Variants in HOMER3 observed in about 807,000 individuals in gnomAD.
HOMER3 encodes the protein homer scaffold protein 3.
HOMER3 carries 34 observed loss-of-function variants against 45.5 expected under a neutral mutation model. The observed-to-expected ratio is 0.75, with a 90% CI of 0.57 to 1.00. HOMER3 has a LOEUF of 1.00. HOMER3 is among the 50% of genes least tolerant of loss of function. HOMER3 has a pLI of 0.00. For missense variants in HOMER3, 480 were observed against 497.5 expected, an observed-to-expected ratio of 0.96 and a Z score of 0.33; for synonymous variants, 223 against 208.8, an observed-to-expected ratio of 1.07 and a Z score of -0.58.
intron 5 of HOMER3, among the ~76,000 whole-genome samples, chr19:18,933,754 G>C (rs1232014532): frequency 2.0e-5 from 3 of 151,886 alleles, no homozygotes; most frequent in Non-Finnish European, 4.4e-5. Flanking sequence ...ACCCAGGCTG[G>C]AGTGCAGTGG....
rs2057008379 is a variant in HOMER3, at chr19:18,929,627, T to C, written c.902A>G (p.Glu301Gly). ...GTGCTCCAACTCCGCATTGCGGGTC[T>C]CCAGGTCCTGCCAGGAAAGGGTGGG... ...EETQQKVQDL[E>G]TRNAELEHQL... The change falls in exon 10 of 10, where the codon GAG becomes GGG. Residue 301 changes from glutamate to glycine, a missense_variant. Transcript: ENST00000392351. The C allele has an allele frequency of 6.6e-7, 1 of 1,513,718 alleles. No individual in the cohort carries two copies. The allele number at this position is 1,513,718 out of a possible 1,614,324, so 93.8% of individuals were successfully genotyped here. A position where few individuals can be genotyped will look rare whatever the true frequency, so the allele number is the denominator to read the frequency against.
In HOMER3 at chr19:18,929,227, A is replaced by G. The variant is rs772750160; in HGVS notation, c.*216T>C. The stretch of plus-strand genomic sequence containing the variant: ...CCACGCTTAGAAATGTAATCGGGGG[A>G]TCTAGAAATTCTACACAATGAGAAG... On this transcript the variant is annotated 3_prime_UTR_variant, in exon 10 of 10. Coordinates refer to ENST00000392351, the MANE Select transcript of HOMER3 (RefSeq NM_004838.4). The G allele has an allele frequency of 5.2e-6, 4 of 764,412 alleles. No individual in the cohort carries two copies. The South Asian group carries it at 5.4e-5, about 10-fold the overall frequency. The allele number at this position is 764,412 out of a possible 1,614,324, so 47.4% of individuals were successfully genotyped here.
At chr19:18,936,772 G>A (rs1422080501) in intron 4 of HOMER3, among the ~76,000 whole-genome samples, 2 of 151,230 alleles carry the variant, frequency 1.3e-5, no homozygotes, top group South Asian at 2.1e-4. Flanking sequence ...GGTGGATCAC[G>A]AGGTCAGGAG....
intron 5 of HOMER3, 80 bp from the exon 6 acceptor site, chr19:18,933,125 G>A (rs2057056737): frequency 7.2e-7 from 1 of 1,395,578 alleles, no homozygotes; most frequent in South Asian, 1.9e-5. Flanking sequence ...GTCACATCGG[G>A]GGTGCAATTG....
chr19:18,929,344 A>T lies in HOMER3; in HGVS notation c.*99T>A. 1 of 1,232,570 alleles carries T rather than the reference A, an allele frequency of 8.1e-7. No individual in the cohort carries two copies. Among genetic ancestry groups the T allele is most frequent in the Non-Finnish European group, 1.2e-6 (1 of 856,516 alleles). 76.4% of individuals were successfully genotyped at this position (1,232,570 alleles called of 1,614,324 possible). On this transcript the variant is annotated 3_prime_UTR_variant, in exon 10 of 10. Transcript: ENST00000392351. The stretch of plus-strand genomic sequence containing the variant: ...CCGGCCCACCCAGGGCTAAGTTGGG[A>T]CCCCCCAGTCCCTTTCCAGGACGAA...
chr19:18,932,568 G>T (rs1203751501), intron 6 of HOMER3, among the ~76,000 whole-genome samples: 1 of 152,066 alleles, frequency 6.6e-6, no homozygotes, highest in Non-Finnish European at 1.5e-5. Flanking sequence ...AAGGGGGCAC[G>T]TGGAGTCCGC....
intron 4 of HOMER3, among the ~76,000 whole-genome samples, chr19:18,934,830 G>GTC (rs1227064430): frequency 6.6e-6 from 1 of 151,538 alleles, no homozygotes; most frequent in African/African-American, 2.4e-5. Context: ...TAGAGACGGG[G>GTC]TCTAGCCATG....
In HOMER3 at chr19:18,938,735, C is replaced by A; in HGVS notation, c.164G>T (p.Gly55Val). 2 of 1,592,158 alleles carry A rather than the reference C, an allele frequency of 1.3e-6. No individual in the cohort carries two copies. Among genetic ancestry groups the A allele is most frequent in the Non-Finnish European group, 1.7e-6 (2 of 1,169,436 alleles). Residue 55 changes from glycine (G) to valine (V), a missense_variant, in exon 3 of 10, where the codon GGC (glycine) becomes GTC (valine). Physicochemically the swap from Gly to Val is moderately radical, Grantham distance 109. Coordinates refer to ENST00000392351, the MANE Select transcript of HOMER3 (RefSeq NM_004838.4). ...RNVYRIISIG[G>V]AKAIINSTVT... ...CCCAGACCCCACCCTGACCTTGGCG[C>A]CTCCGATGCTGATGATGCGGTACAC...
chr19:18,930,824 T>C (rs532963668), intron 9 of HOMER3, among the ~76,000 whole-genome samples: 57 of 152,014 alleles, frequency 3.7e-4, no homozygotes, highest in Non-Finnish European at 6.6e-4. Flanking sequence ...CTGGCCAACA[T>C]GGTGAAACCC....
In HOMER3 at chr19:18,934,307, TG is replaced by T; in HGVS notation, c.406del (p.His136ThrfsTer36). 1 of 1,519,856 alleles carries T rather than the reference TG, an allele frequency of 6.6e-7. No homozygotes were observed. The allele number at this position is 1,519,856 out of a possible 1,614,324, so 94.1% of individuals were successfully genotyped here. A position where few individuals can be genotyped will look rare whatever the true frequency, so the allele number is the denominator to read the frequency against. On this transcript the variant is annotated frameshift_variant, in exon 5 of 10. Coordinates refer to ENST00000392351, the MANE Select transcript of HOMER3 (RefSeq NM_004838.4). LOFTEE classifies it high-confidence loss of function. The part of the protein sequence containing the change: ...LTSPALGLAS[H>X]QVPPSPLVSA... ...AGGGGAGTAGGGAGTGCTGACCTGG[TG>T]GGAGGCGAGCCCCAGGGCTGGACTG...
At chr19:18,931,912 G>A (rs997412371) in intron 7 of HOMER3, 64 bp downstream of exon 7, 150 of 1,456,844 alleles carry the variant, frequency 1.0e-4, no homozygotes, top group Non-Finnish European at 1.3e-4. Context: ...GGGAACTGCC[G>A]AGGCGCGGTC....
At chr19:18,938,252 T>A in intron 4 of HOMER3, 101 bp downstream of exon 4, 1 of 1,315,938 alleles carries the variant, frequency 7.6e-7, no homozygotes, top group Non-Finnish European at 1.0e-6. Context: ...ATCCTGCAGA[T>A]GGGAAGATAG....
chr19:18,932,263 G>T, intron 6 of HOMER3, 131 bp from the exon 7 acceptor site: 1 of 946,438 alleles, frequency 1.1e-6, no homozygotes, highest in Non-Finnish European at 1.5e-6. Context: ...TGGCGAGGGT[G>T]CGGAGTCGTG....
intron 6 of HOMER3, 51 bp downstream of exon 6, chr19:18,932,873 T>TCCCCCCCCCCCCCCCCCC: frequency 1.1e-6 from 1 of 877,174 alleles, no homozygotes; most frequent in South Asian, 2.4e-5. Flanking sequence ...CGCCTCCTCG[T>TCCCCCCCCCCCCCCCCCC]CCCCCACCCC....
intron 4 of HOMER3, among the ~76,000 whole-genome samples, chr19:18,936,979 C>T (rs561643076): frequency 1.6e-3 from 235 of 144,218 alleles, no homozygotes; most frequent in Middle Eastern, 7.8e-3. Context: ...CCAGCCTGTG[C>T]GACAGAGCGA....
At position 18,931,369 on chromosome 19, in the gene HOMER3, C is replaced by A; in HGVS notation, c.850G>T (p.Ala284Ser). ...TCCTCACGCTCGGCAGCCTCCAGGGCCTCGCGGGGCCCCCCAGTCTGACTC... is the reference window on the plus strand; with the variant it reads ...TCCTCACGCTCGGCAGCCTCCAGGGACTCGCGGGGCCCCCCAGTCTGACTC... ...LKSQTGGPRE[A>S]LEAAEREETQ... Residue 284 changes from alanine (A) to serine (S), a missense_variant, in exon 9 of 10, where the codon GCC (alanine) becomes TCC (serine). By Grantham distance (99) the Ala-to-Ser change is moderately conservative (BLOSUM62 1). Coordinates refer to ENST00000392351, the MANE Select transcript of HOMER3 (RefSeq NM_004838.4). The A allele has an allele frequency of 6.2e-7, 1 of 1,614,188 alleles. No homozygotes were observed. The highest frequency in any genetic ancestry group is 8.5e-7 in the Non-Finnish European group (1 of 1,180,038).
In HOMER3 at chr19:18,931,228, C is replaced by T. The variant is rs114165064; in HGVS notation, c.894+97G>A. 1.0e-3 allele frequency: 1,118 copies of T among 1,107,976 alleles called. 11 individuals carry two copies. In the African/African-American group the frequency reaches 0.016, roughly 15 times the overall value. 68.6% of individuals were successfully genotyped at this position (1,107,976 alleles called of 1,614,324 possible). A position where few individuals can be genotyped will look rare whatever the true frequency, so the allele number is the denominator to read the frequency against. On this transcript the variant is annotated intron_variant, in intron 9 of 9. Transcript: ENST00000392351. ...CATCAGGCCTTCCACAGGACTGGGC[C>T]TCCCAATACTTTATCATCTTAGGTA...
chr19:18,933,773 C>T (rs1317941153), intron 5 of HOMER3, among the ~76,000 whole-genome samples: 4 of 151,950 alleles, frequency 2.6e-5, no homozygotes, highest in African/African-American at 9.7e-5. Context: ...GGCACGATCT[C>T]GGCTCACTGC....
Position 18,939,122 on chromosome 19 carries a change from A to G in HOMER3, c.-67-73T>C, listed in dbSNP as rs533860787. ...GAGGCCAAGCAGGTTCCATCTCAGG[A>G]CCCATCACCAGGTGTGCCCGTCATG... On this transcript the variant is annotated intron_variant, in intron 1 of 9. Transcript: ENST00000392351. 9 of 792,262 alleles carry G rather than the reference A, an allele frequency of 1.1e-5. No individual in the cohort carries two copies. In the African/African-American group the frequency reaches 1.4e-4, roughly 12 times the overall value. 49.1% of individuals were successfully genotyped at this position (792,262 alleles called of 1,614,324 possible). A position where few individuals can be genotyped will look rare whatever the true frequency, so the allele number is the denominator to read the frequency against.
Sources: gnomAD v4.1 joint callset for allele counts (sites outside exome capture counted in the v4.1 genomes callset) on GRCh38, gnomAD v4.1.1 for gene constraint, MANE v1.5 for transcripts, NCBI Gene and HGNC (gene_info 2026-07-23, HGNC 2026-07-21) for gene names.